The following LDB2 variants were observed in gnomAD, a reference collection of about 807,000 sequenced individuals.
LDB2 encodes LIM domain binding 2.
A neutral mutation model predicts 44.3 loss-of-function variants in LDB2; 12 were observed. The observed-to-expected ratio is 0.27, with a 90% CI of 0.17 to 0.44. LDB2 has a LOEUF of 0.44. LDB2 is among the 20% of genes least tolerant of loss of function. The pLI is 1.00. For missense variants in LDB2, 344 were observed against 473.5 expected, an observed-to-expected ratio of 0.73 and a Z score of 2.54; for synonymous variants, 164 against 174.8, an observed-to-expected ratio of 0.94 and a Z score of 0.49.
chr4:16,508,793 C>T (rs1396921235), intron 6 of LDB2, 107 bp from the exon 7 acceptor site: 9 of 1,071,194 alleles, frequency 8.4e-6, no homozygotes, highest in Non-Finnish European at 1.2e-5. Context: ...GAAGAGTAGA[C>T]TATTTAAACA....
chr4:16,595,530 G>A (rs1190343988), intron 3 of LDB2, among the ~76,000 whole-genome samples, 173 bp downstream of exon 3: 3 of 152,064 alleles, frequency 2.0e-5, no homozygotes, highest in Admixed American at 6.6e-5. Context: ...TCTTAGAACC[G>A]TGTTCACCCC....
rs7688744 is a variant in LDB2, at chr4:16,721,406, T to C, written c.235+37752A>G. ...TCTATGATCAGGAAGAAGTAGCTCT[T>C]GGCTTAAAAAGTATTCACTTCCTAG... is the stretch of plus-strand genomic sequence containing the variant. On this transcript the variant is annotated intron_variant, in intron 2 of 7. Coordinates refer to ENST00000304523, the MANE Select transcript of LDB2 (RefSeq NM_001290.5). Among the ~76,000 whole-genome samples, 553 of 152,316 alleles carry C rather than the reference T, an allele frequency of 3.6e-3. 2 individuals carry two copies. The highest frequency in any genetic ancestry group is 0.013 in the African/African-American group (520 of 41,584).
intron 2 of LDB2, among the ~76,000 whole-genome samples, chr4:16,696,514 A>T (rs1752166674): frequency 6.6e-6 from 1 of 152,166 alleles, no homozygotes; most frequent in South Asian, 2.1e-4. Flanking sequence ...CCACAGCCTA[A>T]TTTGGGTCTT....
intron 1 of LDB2, among the ~76,000 whole-genome samples, chr4:16,868,806 TGAC>T (rs1390789142): frequency 6.6e-6 from 1 of 152,220 alleles, no homozygotes; most frequent in Non-Finnish European, 1.5e-5. Context: ...AGGATGATGA[TGAC>T]GATAATGGTG....
rs986389063 is a variant in LDB2, at chr4:16,505,176, A to G, written c.892-2303T>C. 6.6e-5 allele frequency among the ~76,000 whole-genome samples: 10 copies of G among 152,344 alleles called. No individual in the cohort carries two copies. The East Asian group carries it at 7.7e-4, about 12-fold the overall frequency. On this transcript the variant is annotated intron_variant, in intron 7 of 7. Transcript: ENST00000304523. ...AACATAGTGGTTTGAATCATTTCCA[A>G]TGGAGCCAACAGGCTTGTAATCTGT...
chr4:16,775,661 A>G (rs1579555014), intron 1 of LDB2, among the ~76,000 whole-genome samples: 1 of 152,306 alleles, frequency 6.6e-6, no homozygotes, highest in African/African-American at 2.4e-5. Context: ...CACAGTTGAC[A>G]AAGCACGGAC....
intron 5 of LDB2, among the ~76,000 whole-genome samples, chr4:16,551,794 G>A (rs909367690): frequency 2.2e-4 from 33 of 152,128 alleles, no homozygotes; most frequent in African/African-American, 6.8e-4. Flanking sequence ...TGGGATTACA[G>A]GTGTGAGCCG....
At chr4:16,606,385 C>T (rs1013155668) in intron 2 of LDB2, among the ~76,000 whole-genome samples, 2 of 152,168 alleles carry the variant, frequency 1.3e-5, no homozygotes, top group Non-Finnish European at 2.9e-5. Context: ...TTTTATTTTA[C>T]TAGGTACCAG....
At chr4:16,666,509 C>T (rs1743268193) in intron 2 of LDB2, among the ~76,000 whole-genome samples, 1 of 152,198 alleles carries the variant, frequency 6.6e-6, no homozygotes, top group Admixed American at 6.5e-5. Flanking sequence ...TAAACATGAG[C>T]TTCCTGCCAT....
intron 5 of LDB2, among the ~76,000 whole-genome samples, chr4:16,578,513 C>T (rs931676708): frequency 6.6e-6 from 1 of 152,204 alleles, no homozygotes; most frequent in Admixed American, 6.5e-5. Context: ...AATATCATCT[C>T]ATCCCAGTCA....
At chr4:16,520,741 G>T (rs1725758147) in intron 5 of LDB2, among the ~76,000 whole-genome samples, 1 of 152,110 alleles carries the variant, frequency 6.6e-6, no homozygotes, top group African/African-American at 2.4e-5. Flanking sequence ...TGGGAAGGAG[G>T]TCATTGACTG....
intron 2 of LDB2, among the ~76,000 whole-genome samples, chr4:16,746,435 A>AC (rs1764407852): frequency 6.6e-6 from 1 of 151,414 alleles, no homozygotes; most frequent in African/African-American, 2.4e-5. Context: ...GACAGTCTTG[A>AC]TTTTTTTTTC....
intron 2 of LDB2, among the ~76,000 whole-genome samples, chr4:16,646,779 G>T (rs58371053): frequency 4.1e-3 from 625 of 152,316 alleles, no homozygotes; most frequent in African/African-American, 0.014. Context: ...AAAAGGAGCT[G>T]TAACTCCTTC....
At chr4:16,809,094 T>TAAGG (rs1370073429) in intron 1 of LDB2, among the ~76,000 whole-genome samples, 2 of 152,194 alleles carry the variant, frequency 1.3e-5, no homozygotes, top group Admixed American at 1.3e-4. Context: ...GCTGAAAGTC[T>TAAGG]AAGATCCCCT....
Position 16,524,518 on chromosome 4 carries a change from C to T in LDB2, c.616-12414G>A, listed in dbSNP as rs146850141. On this transcript the variant is annotated intron_variant, in intron 5 of 7. Coordinates refer to ENST00000304523, the MANE Select transcript of LDB2 (RefSeq NM_001290.5). ...AACAGGGCATTGGAAACCACCACAT[C>T]GTGGAAAGAGAGTATGAGGGAGGGG... Among the ~76,000 whole-genome samples the T allele has an allele frequency of 2.8e-3, 421 of 152,144 alleles. 2 individuals are homozygous for T. Among genetic ancestry groups the T allele is most frequent in the African/African-American group, 9.0e-3 (373 of 41,508 alleles).
chr4:16,855,383 G>A (rs897370075), intron 1 of LDB2, among the ~76,000 whole-genome samples: 3 of 152,022 alleles, frequency 2.0e-5, no homozygotes, highest in East Asian at 1.9e-4. Flanking sequence ...CTCTACCATC[G>A]AGTACGTGAG....
At chr4:16,820,718 T>C (rs1234312786) in intron 1 of LDB2, among the ~76,000 whole-genome samples, 1 of 152,200 alleles carries the variant, frequency 6.6e-6, no homozygotes, top group African/African-American at 2.4e-5. Flanking sequence ...CTTCATGCTT[T>C]TAACTCTAAT....
At chr4:16,607,970 G>A (rs899150253) in intron 2 of LDB2, among the ~76,000 whole-genome samples, 9 of 151,982 alleles carry the variant, frequency 5.9e-5, no homozygotes, top group Non-Finnish European at 1.2e-4. Context: ...GGGGAAATAA[G>A]GTTTTAGGGC....
chr4:16,708,206 G>A (rs941908130), intron 2 of LDB2, among the ~76,000 whole-genome samples: 6 of 152,144 alleles, frequency 3.9e-5, no homozygotes, highest in Non-Finnish European at 8.8e-5. Flanking sequence ...CCAGCAGGGT[G>A]TGGTGGCACA....
Sources: allele counts gnomAD v4.1 joint callset (sites outside exome capture counted in the v4.1 genomes callset), GRCh38; gene constraint gnomAD v4.1.1; transcripts MANE v1.5; gene names NCBI Gene and HGNC (gene_info 2026-07-23, HGNC 2026-07-21).